CR1L: variants seen among roughly 807,000 people sequenced by gnomAD.
The protein encoded by CR1L is complement C3b/C4b receptor 1 like.
Under a neutral mutation model 62.3 loss-of-function variants are expected in CR1L, and 59 were observed. The observed-to-expected ratio is 0.95, with a 90% CI of 0.77 to 1.18. CR1L has a LOEUF of 1.18. CR1L is among the 50% of genes most tolerant of loss of function. The probability of loss-of-function intolerance (pLI) is 0.00; values close to 1 mark genes in which losing one functional copy is unlikely to be tolerated. For synonymous variants in CR1L, 279 were observed against 248.7 expected, an observed-to-expected ratio of 1.12 and a Z score of -1.15; for missense variants, 700 against 702.8, an observed-to-expected ratio of 1.00 and a Z score of 0.04.
At chr1:207,697,718 C>A (rs372383845) in intron 6 of CR1L, 39 bp downstream of exon 6, 12 of 1,613,840 alleles carry the variant, frequency 7.4e-6, no homozygotes, top group African/African-American at 1.3e-5. Flanking sequence ...TTTTAGCTTG[C>A]GTCTTTATTC....
chr1:207,722,332 T>C (rs1483075729), intron 11 of CR1L, among the ~76,000 whole-genome samples: 1 of 112,344 alleles, frequency 8.9e-6, no homozygotes, highest in African/African-American at 3.1e-5. Context: ...TTAGGTCTAA[T>C]GTTTAAGTCT....
chr1:207,669,578 G>T (rs1447274470), intron 1 of CR1L: 7 of 1,490,938 alleles, frequency 4.7e-6, no homozygotes, highest in Non-Finnish European at 6.4e-6. Flanking sequence ...GAAACGCTGG[G>T]GGGCGTGGGG....
At chr1:207,670,306 A>C (rs1663590268) in intron 1 of CR1L, among the ~76,000 whole-genome samples, 1 of 151,240 alleles carries the variant, frequency 6.6e-6, no homozygotes, top group South Asian at 2.1e-4. Context: ...GAAGCCCCAG[A>C]ACATGCAATG....
intron 10 of CR1L, among the ~76,000 whole-genome samples, chr1:207,713,005 TC>T (rs1487890219): frequency 6.6e-6 from 1 of 151,930 alleles, no homozygotes; most frequent in East Asian, 1.9e-4. Context: ...TAAGCGTTAA[TC>T]CAATTAAGGA....
intron 9 of CR1L, among the ~76,000 whole-genome samples, chr1:207,707,785 TACACAC>T (rs10523807): frequency 7.9e-6 from 1 of 126,704 alleles, no homozygotes; most frequent in Non-Finnish European, 1.7e-5. Context: ...GGCATAGTAT[TACACAC>T]ACACACACAC....
chr1:207,686,796 G>A lies in CR1L; in HGVS notation c.463+2839G>A, dbSNP rs142841925. 8.0e-3 allele frequency among the ~76,000 whole-genome samples: 1,223 copies of A among 152,280 alleles called. 21 individuals are homozygous for A. Among genetic ancestry groups the A allele is most frequent in the African/African-American group, 0.026 (1,083 of 41,556 alleles). On this transcript the variant is annotated intron_variant, in intron 4 of 11. Coordinates refer to ENST00000508064, the MANE Select transcript of CR1L (RefSeq NM_175710.2). ...TTGAAATCTTTACCCCTAAGGTGAT[G>A]ACATTAGGGAGTGAGGCCTTTGGAA...
chr1:207,646,290 G>A (rs1158819400), intron 1 of CR1L, among the ~76,000 whole-genome samples: 5 of 152,172 alleles, frequency 3.3e-5, no homozygotes, highest in Non-Finnish European at 5.9e-5. Context: ...CAAACCTAGT[G>A]AGAAATTAGT....
At chr1:207,695,615 C>T in intron 5 of CR1L, among the ~76,000 whole-genome samples, 1 of 152,246 alleles carries the variant, frequency 6.6e-6, no homozygotes. Context: ...TTCATGCAGG[C>T]TGTATTAGAC....
chr1:207,672,103 C>A (rs1663623383), intron 1 of CR1L, among the ~76,000 whole-genome samples: 1 of 150,538 alleles, frequency 6.6e-6, no homozygotes, highest in Non-Finnish European at 1.5e-5. Flanking sequence ...CAGAGTCGAT[C>A]AACAAACAAA....
chr1:207,655,364 T>C (rs1410301105), intron 1 of CR1L: 1 of 378,602 alleles, frequency 2.6e-6, no homozygotes, highest in Non-Finnish European at 4.9e-6. Context: ...ATTTTAAGAT[T>C]AACAAAGATC....
Position 207,706,370 on chromosome 1 carries a change from G to A in CR1L, c.1329-1808G>A, listed in dbSNP as rs551040863. Among the ~76,000 whole-genome samples the A allele has an allele frequency of 1.8e-4, 27 of 152,026 alleles. No individual in the cohort carries two copies. The East Asian group carries it at 2.3e-3, about 13-fold the overall frequency. ...CGAGAGGCTGAGGCTTCAGTGAGCC[G>A]TGATGGCACCCCTGCACTCCAGCCT... On this transcript the variant is annotated intron_variant, in intron 9 of 11. Transcript: ENST00000508064.
At chr1:207,693,503 T>C (rs1426691717) in intron 4 of CR1L, among the ~76,000 whole-genome samples, 1 of 152,252 alleles carries the variant, frequency 6.6e-6, no homozygotes, top group East Asian at 1.9e-4. Context: ...ATGTCTATTA[T>C]CTCCTCTCAT....
At chr1:207,700,992 C>A (rs1664181278) in intron 8 of CR1L, among the ~76,000 whole-genome samples, 1 of 152,080 alleles carries the variant, frequency 6.6e-6, no homozygotes, top group South Asian at 2.1e-4. Context: ...TAAGAGAAAC[C>A]TTTTTTCAAA....
At chr1:207,648,055 T>C (rs1019027584) in intron 1 of CR1L, among the ~76,000 whole-genome samples, 1 of 151,634 alleles carries the variant, frequency 6.6e-6, no homozygotes, top group Non-Finnish European at 1.5e-5. Context: ...TCCCAGCTAC[T>C]TGGGAGGCTG....
intron 5 of CR1L, among the ~76,000 whole-genome samples, chr1:207,696,488 G>A (rs181080650): frequency 2.0e-5 from 3 of 152,318 alleles, no homozygotes; most frequent in Non-Finnish European, 2.9e-5. Context: ...GTGAGGCTAG[G>A]GGCCAACAGA....
intron 9 of CR1L, among the ~76,000 whole-genome samples, chr1:207,705,914 G>A (rs1276612372): frequency 6.6e-6 from 1 of 151,578 alleles, no homozygotes; most frequent in Non-Finnish European, 1.5e-5. Flanking sequence ...AAATAATTCT[G>A]TGAAACTAGC....
At chr1:207,709,600 C>G (rs1664320991) in intron 10 of CR1L, among the ~76,000 whole-genome samples, 1 of 151,980 alleles carries the variant, frequency 6.6e-6, no homozygotes, top group Admixed American at 6.6e-5. Context: ...CATTGGGAGG[C>G]CCAAGGTAGG....
At chr1:207,679,394 ACCGT>A (rs1288822143) in intron 3 of CR1L, among the ~76,000 whole-genome samples, 1 of 152,050 alleles carries the variant, frequency 6.6e-6, no homozygotes, top group African/African-American at 2.4e-5. Context: ...CTCTGCAAAG[ACCGT>A]ATTTCCAAAT....
intron 4 of CR1L, among the ~76,000 whole-genome samples, chr1:207,685,500 A>G (rs1440516302): frequency 6.6e-6 from 1 of 152,232 alleles, no homozygotes; most frequent in African/African-American, 2.4e-5. Flanking sequence ...TCCATGATCA[A>G]TTAGCCCAAT....
Sources: allele counts gnomAD v4.1 joint callset (sites outside exome capture counted in the v4.1 genomes callset), GRCh38; gene constraint gnomAD v4.1.1; transcripts MANE v1.5; gene names NCBI Gene and HGNC (gene_info 2026-07-23, HGNC 2026-07-21).